LRFN5: variants seen among roughly 807,000 people sequenced by gnomAD.
LRFN5 encodes leucine rich repeat and fibronectin type III domain containing 5.
A neutral mutation model predicts 45.6 loss-of-function variants in LRFN5; 24 were observed. The observed-to-expected ratio is 0.53, with a 90% CI of 0.38 to 0.74. The LOEUF (loss-of-function observed/expected upper bound fraction) is 0.74. Ranked by LOEUF, LRFN5 falls within the 30% of genes least tolerant of loss-of-function variation. The pLI, the probability that LRFN5 is intolerant of heterozygous loss-of-function variation, is 0.00. For missense variants in LRFN5, 776 were observed against 861.5 expected (o/e 0.90, Z 1.24); for synonymous variants, 340 against 313.8 (o/e 1.08, Z -0.88).
At chr14:41,636,390 A>G (rs1021497247) in intron 1 of LRFN5, among the ~76,000 whole-genome samples, 7 of 152,122 alleles carry the variant, frequency 4.6e-5, no homozygotes, top group African/African-American at 1.4e-4. Context: ...TGAATAATGA[A>G]CTTTCTTTTA....
intron 1 of LRFN5, among the ~76,000 whole-genome samples, chr14:41,729,073 A>G (rs1007589803): frequency 6.6e-6 from 1 of 152,150 alleles, no homozygotes; most frequent in Non-Finnish European, 1.5e-5. Flanking sequence ...GCAGTTAATC[A>G]ATCATTCAGT....
chr14:41,753,024 A>T (rs1176422505), intron 1 of LRFN5, among the ~76,000 whole-genome samples: 10 of 152,088 alleles, frequency 6.6e-5, no homozygotes, highest in African/African-American at 2.4e-4. Flanking sequence ...AAATAGGGAA[A>T]CCTTCCCCCA....
chr14:41,673,792 CG>C (rs1209599535), intron 1 of LRFN5, among the ~76,000 whole-genome samples: 3 of 141,370 alleles, frequency 2.1e-5, no homozygotes, highest in Non-Finnish European at 3.1e-5. Flanking sequence ...GCTGGCCGGG[CG>C]GGGGGTGACC....
chr14:41,644,565 G>A (rs1452618221), intron 1 of LRFN5, among the ~76,000 whole-genome samples: 1 of 152,084 alleles, frequency 6.6e-6, no homozygotes, highest in East Asian at 1.9e-4. Context: ...GTTGGGTAAG[G>A]AGATAGTCGG....
chr14:41,900,160 G>C (rs1891060970), intron 5 of LRFN5, among the ~76,000 whole-genome samples: 1 of 151,776 alleles, frequency 6.6e-6, no homozygotes, highest in Admixed American at 6.6e-5. Flanking sequence ...CTGAAATTTA[G>C]GATAGGATAC....
At chr14:41,704,455 T>TGTGTGTGTGC (rs1208101563) in intron 1 of LRFN5, among the ~76,000 whole-genome samples, 5 of 150,188 alleles carry the variant, frequency 3.3e-5, no homozygotes, top group Non-Finnish European at 7.4e-5. Context: ...TCTCTGTGTG[T>TGTGTGTGTGC]GTGTGTCTGT....
chr14:41,885,578 C>G (rs1226239006), intron 2 of LRFN5, among the ~76,000 whole-genome samples: 1 of 152,096 alleles, frequency 6.6e-6, no homozygotes, highest in Non-Finnish European at 1.5e-5. Context: ...AGTGAAAGCA[C>G]TGACGGCTGC....
In LRFN5 at chr14:41,674,056, C is replaced by T. The variant is rs574513074; in HGVS notation, c.-197+65494C>T. On this transcript the variant is annotated intron_variant, in intron 1 of 5. Coordinates refer to ENST00000298119, the MANE Select transcript of LRFN5 (RefSeq NM_152447.5). ...GAGGCTCCTCACTTCTCAGATGGGG[C>T]GGCTGGCTGGGCGGGGGGCTGACCC... Among the ~76,000 whole-genome samples, 73 of 149,098 alleles carry T rather than the reference C, an allele frequency of 4.9e-4. 1 individual carries two copies. In the East Asian group the frequency reaches 8.9e-3, roughly 18 times the overall value.
intron 2 of LRFN5, among the ~76,000 whole-genome samples, chr14:41,795,793 G>A (rs571310095): frequency 1.3e-5 from 2 of 151,856 alleles, no homozygotes; most frequent in African/African-American, 4.8e-5. Flanking sequence ...GGGGGAGGGG[G>A]GAGGAATAGC....
At chr14:41,826,758 T>C (rs7151706) in intron 2 of LRFN5, among the ~76,000 whole-genome samples, 20,284 of 151,976 alleles carry the variant, frequency 0.13, 1,455 homozygotes, top group East Asian at 0.22. Context: ...CCTCTGGACA[T>C]GTTATTTAAA....
intron 2 of LRFN5, among the ~76,000 whole-genome samples, chr14:41,875,271 A>G (rs1360446851): frequency 1.3e-5 from 2 of 152,256 alleles, no homozygotes; most frequent in Non-Finnish European, 2.9e-5. Flanking sequence ...ACAAAAATTC[A>G]TTTTAGGGAA....
intron 1 of LRFN5, among the ~76,000 whole-genome samples, chr14:41,728,814 CT>C (rs1884045873): frequency 6.6e-6 from 1 of 152,124 alleles, no homozygotes; most frequent in South Asian, 2.1e-4. Flanking sequence ...ATTTTTATCA[CT>C]TTGACAAAAA....
intron 2 of LRFN5, among the ~76,000 whole-genome samples, chr14:41,787,001 A>AATCTC (rs758938352): frequency 1.3e-5 from 2 of 151,904 alleles, no homozygotes; most frequent in South Asian, 4.2e-4. Context: ...ATATATATTT[A>AATCTC]ATCTCCTTAC....
At chr14:41,866,455 C>T (rs980925001) in intron 2 of LRFN5, among the ~76,000 whole-genome samples, 1 of 152,080 alleles carries the variant, frequency 6.6e-6, no homozygotes, top group Non-Finnish European at 1.5e-5. Flanking sequence ...GGTCTCTTAG[C>T]ATGAGATAAA....
At chr14:41,700,159 A>AG (rs1214967615) in intron 1 of LRFN5, 1 of 152,060 alleles carries the variant, frequency 6.6e-6, no homozygotes, top group African/African-American at 2.4e-5. Flanking sequence ...TTGTGTAGTG[A>AG]GGGACTTGTG....
intron 1 of LRFN5, among the ~76,000 whole-genome samples, chr14:41,673,883 G>A (rs1881407257): frequency 6.7e-6 from 1 of 148,644 alleles, no homozygotes; most frequent in Admixed American, 6.6e-5. Context: ...CAGGGCGGCT[G>A]GCCAGGTGGG....
intron 2 of LRFN5, among the ~76,000 whole-genome samples, chr14:41,805,390 TTTTATTTA>T (rs60289355): frequency 0.016 from 2,342 of 146,102 alleles, 44 homozygotes; most frequent in African/African-American, 0.047. Flanking sequence ...ATAAGTTTTA[TTTTATTTA>T]TTTATTTATT....
At chr14:41,871,262 T>C (rs1355123697) in intron 2 of LRFN5, among the ~76,000 whole-genome samples, 3 of 152,054 alleles carry the variant, frequency 2.0e-5, no homozygotes, top group African/African-American at 7.2e-5. Context: ...TAATTATTAT[T>C]TTGTGTAATA....
chr14:41,710,600 A>AGC (rs1224535486), intron 1 of LRFN5, among the ~76,000 whole-genome samples: 5 of 52,384 alleles, frequency 9.5e-5, no homozygotes, highest in African/African-American at 8.7e-4. Context: ...AACAAATTAA[A>AGC]ACATATATAT....
Sources: gnomAD v4.1 joint callset for allele counts (sites outside exome capture counted in the v4.1 genomes callset) on GRCh38, gnomAD v4.1.1 for gene constraint, MANE v1.5 for transcripts, NCBI Gene and HGNC (gene_info 2026-07-23, HGNC 2026-07-21) for gene names.